The following RBFOX1 variants were observed in gnomAD, a reference collection of about 807,000 sequenced individuals.
RBFOX1 encodes the protein RNA binding fox-1 homolog 1.
Under a neutral mutation model 57.7 loss-of-function variants are expected in RBFOX1, and 8 were observed. The observed-to-expected ratio is 0.14, with a 90% CI of 0.08 to 0.25. The LOEUF (loss-of-function observed/expected upper bound fraction) is 0.25. Ranked by LOEUF, RBFOX1 falls within the 10% of genes least tolerant of loss-of-function variation. The pLI is 1.00. For synonymous variants in RBFOX1, 326 were observed against 222.4 expected (o/e 1.47, Z -4.15); for missense variants, 611 against 548.5 (o/e 1.11, Z -1.14).
chr16:6,004,549 T>A (rs906745722), intron 4 of RBFOX1, among the ~76,000 whole-genome samples: 1 of 152,228 alleles, frequency 6.6e-6, no homozygotes, highest in Non-Finnish European at 1.5e-5. Flanking sequence ...CAGAAGGTTT[T>A]AATGATGGGA....
intron 14 of RBFOX1, among the ~76,000 whole-genome samples, chr16:7,684,863 T>C (rs759809282): frequency 1.1e-4 from 16 of 152,104 alleles, no homozygotes; most frequent in Non-Finnish European, 2.1e-4. Context: ...CTTCCCTGTT[T>C]TTTCAGAATG....
chr16:7,082,471 A>C (rs768562059), intron 4 of RBFOX1, among the ~76,000 whole-genome samples: 26 of 151,872 alleles, frequency 1.7e-4, no homozygotes, highest in Non-Finnish European at 2.9e-4. Flanking sequence ...GGTCCCAGCT[A>C]CTTGGGAGGC....
chr16:7,374,563 A>AC (rs960863234), intron 4 of RBFOX1, among the ~76,000 whole-genome samples: 1 of 151,816 alleles, frequency 6.6e-6, no homozygotes, highest in Non-Finnish European at 1.5e-5. Flanking sequence ...TCCTAACCCC[A>AC]CCCCCACATT....
At chr16:5,556,292 C>T (rs1178235201) in intron 2 of RBFOX1, among the ~76,000 whole-genome samples, 1 of 152,164 alleles carries the variant, frequency 6.6e-6, no homozygotes, top group Non-Finnish European at 1.5e-5. Context: ...TCAAAGGGAT[C>T]TCAGTGTAAA....
chr16:7,120,796 C>T (rs970626870), intron 4 of RBFOX1, among the ~76,000 whole-genome samples: 1 of 98,172 alleles, frequency 1.0e-5, no homozygotes, highest in Non-Finnish European at 2.2e-5. Context: ...GATACGAAAA[C>T]CAGGCTATAT....
chr16:6,355,746 C>CA (rs1432790496), intron 2 of RBFOX1, among the ~76,000 whole-genome samples: 2 of 152,194 alleles, frequency 1.3e-5, no homozygotes, highest in African/African-American at 4.8e-5. Flanking sequence ...TTTACACTCC[C>CA]ACCAACAGTG....
chr16:7,022,342 C>T (rs570789954), intron 3 of RBFOX1, among the ~76,000 whole-genome samples: 3 of 151,698 alleles, frequency 2.0e-5, no homozygotes, highest in African/African-American at 4.8e-5. Context: ...CATGAACCAC[C>T]ACTGCACCTG....
chr16:5,993,875 T>A (rs1000544202), intron 4 of RBFOX1, among the ~76,000 whole-genome samples: 3 of 152,178 alleles, frequency 2.0e-5, no homozygotes, highest in Non-Finnish European at 4.4e-5. Context: ...GAAGATGATG[T>A]ATATTAATTC....
chr16:6,180,998 T>G (rs2097058627), intron 1 of RBFOX1, among the ~76,000 whole-genome samples: 1 of 152,186 alleles, frequency 6.6e-6, no homozygotes, highest in Non-Finnish European at 1.5e-5. Flanking sequence ...ACTGATGGGT[T>G]TGTGTGTATG....
intron 1 of RBFOX1, among the ~76,000 whole-genome samples, chr16:6,124,862 T>G (rs1013862927): frequency 6.6e-6 from 1 of 152,128 alleles, no homozygotes; most frequent in Non-Finnish European, 1.5e-5. Context: ...AATTATTTTT[T>G]AAAAATAGCC....
intron 1 of RBFOX1, among the ~76,000 whole-genome samples, chr16:6,052,804 T>TATAATA (rs200513769): frequency 0.21 from 30,021 of 144,024 alleles, 3,192 homozygotes; most frequent in East Asian, 0.27. Flanking sequence ...TAAAATAAAA[T>TATAATA]ATAATAATAA....
chr16:6,301,005 G>T (rs762553657), intron 1 of RBFOX1, among the ~76,000 whole-genome samples: 1 of 152,054 alleles, frequency 6.6e-6, no homozygotes, highest in Non-Finnish European at 1.5e-5. Flanking sequence ...GAGTGGATGT[G>T]CACATTAAAA....
At chr16:7,225,292 G>C (rs1049507499) in intron 4 of RBFOX1, among the ~76,000 whole-genome samples, 1 of 152,102 alleles carries the variant, frequency 6.6e-6, no homozygotes, top group Non-Finnish European at 1.5e-5. Context: ...CGTGTTGTGG[G>C]AGGGACTTGA....
chr16:7,264,156 T>C (rs961387952), intron 4 of RBFOX1, among the ~76,000 whole-genome samples: 1 of 152,156 alleles, frequency 6.6e-6, no homozygotes, highest in African/African-American at 2.4e-5. Flanking sequence ...TAAACTGATG[T>C]GCTAGGCTCC....
chr16:7,537,322 C>G (rs2081724194), intron 5 of RBFOX1, among the ~76,000 whole-genome samples: 1 of 152,182 alleles, frequency 6.6e-6, no homozygotes, highest in African/African-American at 2.4e-5. Flanking sequence ...CACCTGTGGA[C>G]TTTTGTGACA....
chr16:5,404,470 C>G (rs748477353), intron 1 of RBFOX1, among the ~76,000 whole-genome samples: 1 of 152,160 alleles, frequency 6.6e-6, no homozygotes, highest in African/African-American at 2.4e-5. Flanking sequence ...GATCAGTGAT[C>G]TCTGTGGACT....
At chr16:6,895,108 C>A (rs1178761131) in intron 3 of RBFOX1, among the ~76,000 whole-genome samples, 1 of 151,988 alleles carries the variant, frequency 6.6e-6, no homozygotes, top group Non-Finnish European at 1.5e-5. Flanking sequence ...AAAGTCTGGT[C>A]CTCTTTTCCA....
chr16:6,256,267 ATATG>A (rs1391090143), intron 1 of RBFOX1, among the ~76,000 whole-genome samples: 4,129 of 125,436 alleles, frequency 0.033, 234 homozygotes, highest in African/African-American at 0.1. Context: ...GTGTATATAT[ATATG>A]TATATATATA....
At chr16:6,450,801 G>A (rs8053306) in intron 2 of RBFOX1, among the ~76,000 whole-genome samples, 3,972 of 16,264 alleles carry the variant, frequency 0.24, 662 homozygotes, top group East Asian at 0.57. Context: ...ATATATATAT[G>A]TATATATATA....
Sources: gnomAD v4.1 joint callset for allele counts (sites outside exome capture counted in the v4.1 genomes callset) on GRCh38, gnomAD v4.1.1 for gene constraint, MANE v1.5 for transcripts, NCBI Gene and HGNC (gene_info 2026-07-23, HGNC 2026-07-21) for gene names.